GALNT13: variants seen among roughly 807,000 people sequenced by gnomAD.
GALNT13 encodes UDP-GalNAc:polypeptide N-acetylgalactosaminyltransferase 13.
GALNT13 carries 28 observed loss-of-function variants against 64.2 expected under a neutral mutation model. The observed-to-expected ratio is 0.44, with a 90% CI of 0.32 to 0.60. The LOEUF is 0.60. Among genes scored for constraint, GALNT13 ranks in the 20% least tolerant of loss-of-function variants. The probability of loss-of-function intolerance (pLI) is 0.05; values close to 1 mark genes in which losing one functional copy is unlikely to be tolerated. For synonymous variants in GALNT13, 214 were observed against 224.6 expected (o/e 0.95, Z 0.42); for missense variants, 577 against 669.8 (o/e 0.86, Z 1.53).
the GALNT13 span, among the ~76,000 whole-genome samples, chr2:153,074,762 T>C: frequency 2.0e-5 from 3 of 152,216 alleles, no homozygotes; most frequent in African/African-American, 7.2e-5. Flanking sequence ...TTTTTGGAGA[T>C]ATGATCTTTC....
chr2:154,455,565 T>G (rs1702021153), downstream of GALNT13, among the ~76,000 whole-genome samples: 1 of 137,742 alleles, frequency 7.3e-6, no homozygotes, highest in African/African-American at 2.8e-5. Flanking sequence ...TTCCCCAATA[T>G]GTCAAAATAT....
the GALNT13 span, among the ~76,000 whole-genome samples, chr2:153,752,790 TAGG>T: frequency 6.6e-6 from 1 of 152,174 alleles, no homozygotes; most frequent in African/African-American, 2.4e-5. Flanking sequence ...TATCTTTCTC[TAGG>T]TTTGGGAAGT....
At chr2:153,109,614 A>G in the GALNT13 span, among the ~76,000 whole-genome samples, 316 of 152,248 alleles carry the variant, frequency 2.1e-3, 2 homozygotes, top group Middle Eastern at 6.8e-3. Flanking sequence ...GTTGTAACAT[A>G]CCTGCATGAC....
At chr2:153,465,684 G>A in the GALNT13 span, among the ~76,000 whole-genome samples, 1 of 151,738 alleles carries the variant, frequency 6.6e-6, no homozygotes, top group Non-Finnish European at 1.5e-5. Flanking sequence ...TTTATAGAAA[G>A]CTGAGAGGCT....
chr2:153,133,383 AG>A, the GALNT13 span, among the ~76,000 whole-genome samples: 3 of 152,106 alleles, frequency 2.0e-5, no homozygotes, highest in African/African-American at 7.2e-5. Flanking sequence ...CACCCTTTGC[AG>A]GGGGTAGGAG....
At chr2:153,494,728 T>TA in the GALNT13 span, among the ~76,000 whole-genome samples, 1 of 152,012 alleles carries the variant, frequency 6.6e-6, no homozygotes, top group East Asian at 1.9e-4. Flanking sequence ...AAAGTATAAG[T>TA]AATCCAAGAA....
At chr2:154,188,330 T>C (rs1686376855) in intron 4 of GALNT13, among the ~76,000 whole-genome samples, 1 of 152,098 alleles carries the variant, frequency 6.6e-6, no homozygotes, top group African/African-American at 2.4e-5. Context: ...TTATTGTAGC[T>C]GAGGAAGGGA....
At chr2:154,402,390 A>G (rs1363922304) in intron 10 of GALNT13, among the ~76,000 whole-genome samples, 1 of 152,216 alleles carries the variant, frequency 6.6e-6, no homozygotes, top group African/African-American at 2.4e-5. Flanking sequence ...GCACAGAAAC[A>G]TTTAGAAAAA....
At chr2:153,823,032 A>T in the GALNT13 span, among the ~76,000 whole-genome samples, 3 of 152,190 alleles carry the variant, frequency 2.0e-5, no homozygotes, top group Non-Finnish European at 4.4e-5. Flanking sequence ...ACTGGCACAC[A>T]CAAAAAATAA....
chr2:153,700,884 G>A, the GALNT13 span, among the ~76,000 whole-genome samples: 1 of 152,018 alleles, frequency 6.6e-6, no homozygotes, highest in Non-Finnish European at 1.5e-5. Flanking sequence ...TCATGGGTAG[G>A]AAGAATCAAT....
At chr2:153,409,296 A>ATGTG in the GALNT13 span, among the ~76,000 whole-genome samples, 1 of 147,812 alleles carries the variant, frequency 6.8e-6, no homozygotes, top group African/African-American at 2.5e-5. Flanking sequence ...ATGAATATGT[A>ATGTG]TGTATATATA....
At chr2:153,972,216 A>T (rs941881203) in intron 3 of GALNT13, among the ~76,000 whole-genome samples, 1 of 152,056 alleles carries the variant, frequency 6.6e-6, no homozygotes, top group African/African-American at 2.4e-5. Context: ...AGTTTGTGGT[A>T]ATTTGTTTTG....
the GALNT13 span, among the ~76,000 whole-genome samples, chr2:153,655,291 C>T: frequency 6.6e-6 from 1 of 152,026 alleles, no homozygotes; most frequent in African/African-American, 2.4e-5. Context: ...ACAATGCTAT[C>T]AAGCAGATAA....
At chr2:153,928,050 T>G (rs531124481) in intron 2 of GALNT13, among the ~76,000 whole-genome samples, 1 of 152,106 alleles carries the variant, frequency 6.6e-6, no homozygotes, top group Non-Finnish European at 1.5e-5. Context: ...TTTATGCTAC[T>G]GGGGGTTCTT....
chr2:154,367,451 A>G lies in GALNT13; in HGVS notation c.1157-28540A>G, dbSNP rs1396129535. ...TACGTCCCTACCTGGAAAGTCATAAAACATTCCTGAAAATCCTAGCTGGCA... is the reference window on the plus strand; with the variant it reads ...TACGTCCCTACCTGGAAAGTCATAAGACATTCCTGAAAATCCTAGCTGGCA... On this transcript the variant is annotated intron_variant, in intron 9 of 12. Coordinates refer to ENST00000392825, the MANE Select transcript of GALNT13 (RefSeq NM_052917.4). 1.3e-5 allele frequency among the ~76,000 whole-genome samples: 2 copies of G among 152,228 alleles called. 1 individual carries two copies. The highest frequency in any genetic ancestry group is 3.8e-4 in the East Asian group (2 of 5,200).
At chr2:153,967,882 C>T (rs1488264410) in intron 3 of GALNT13, among the ~76,000 whole-genome samples, 1 of 152,062 alleles carries the variant, frequency 6.6e-6, no homozygotes, top group Non-Finnish European at 1.5e-5. Flanking sequence ...CTAGAAATGC[C>T]CTTCAGGAGC....
chr2:153,839,596 A>G, the GALNT13 span, among the ~76,000 whole-genome samples: 1 of 151,902 alleles, frequency 6.6e-6, no homozygotes, highest in Non-Finnish European at 1.5e-5. Flanking sequence ...AGAAAAAAGT[A>G]TTAATTATGA....
At chr2:153,339,244 A>T in the GALNT13 span, among the ~76,000 whole-genome samples, 1 of 152,254 alleles carries the variant, frequency 6.6e-6, no homozygotes, top group Non-Finnish European at 1.5e-5. Context: ...TCAGCAGTGT[A>T]CAAGGGTTCC....
the GALNT13 span, among the ~76,000 whole-genome samples, chr2:153,457,325 T>C: frequency 6.6e-6 from 1 of 152,218 alleles, no homozygotes; most frequent in Non-Finnish European, 1.5e-5. Context: ...AATGTCTGCC[T>C]ACCTGCCAGA....
Sources: gnomAD v4.1 joint callset for allele counts (sites outside exome capture counted in the v4.1 genomes callset) on GRCh38, gnomAD v4.1.1 for gene constraint, MANE v1.5 for transcripts, NCBI Gene and HGNC (gene_info 2026-07-23, HGNC 2026-07-21) for gene names.